Variants in CAPG observed in about 807,000 individuals in gnomAD.
The protein encoded by CAPG is capping actin protein, gelsolin like, also known as macrophage-capping protein.
Under a neutral mutation model 44.6 loss-of-function variants are expected in CAPG, and 32 were observed. That is an observed-to-expected ratio of 0.72 (90% CI 0.54 to 0.96). The LOEUF is 0.96. Among genes scored for constraint, CAPG ranks in the 50% least tolerant of loss-of-function variants. The probability of loss-of-function intolerance (pLI) is 0.00; values close to 1 mark genes in which losing one functional copy is unlikely to be tolerated. For synonymous variants in CAPG, 175 were observed against 179.6 expected (o/e 0.97, Z 0.20); for missense variants, 412 against 438.3 (o/e 0.94, Z 0.54).
chr2:85,412,106 G>A (rs989295058), upstream of CAPG, among the ~76,000 whole-genome samples: 3 of 151,430 alleles, frequency 2.0e-5, no homozygotes, highest in Non-Finnish European at 4.4e-5. Flanking sequence ...TCATTGAAAC[G>A]AAATTGATAA....
At chr2:85,412,437 C>T (rs985426386), upstream of CAPG, among the ~76,000 whole-genome samples, 4 of 152,082 alleles carry the variant, frequency 2.6e-5, no homozygotes, top group Admixed American at 6.6e-5. Flanking sequence ...CGCTTGAACC[C>T]GGGAGGCAGA....
chr2:85,402,241 G>T, intron 1 of CAPG, 83 bp from the exon 2 acceptor site: 1 of 1,078,572 alleles, frequency 9.3e-7, no homozygotes, highest in Non-Finnish European at 1.4e-6. Flanking sequence ...CCTTTCCAGT[G>T]GCCAAGTACT....
intron 5 of CAPG, 122 bp downstream of exon 5, chr2:85,401,043 G>T: frequency 1.1e-6 from 1 of 875,430 alleles, no homozygotes; most frequent in Non-Finnish European, 1.8e-6. Context: ...TGGTCAGAGT[G>T]ATCTCACTTG....
chr2:85,393,307 A>T (rs1189403665), downstream of CAPG, among the ~76,000 whole-genome samples: 2 of 152,100 alleles, frequency 1.3e-5, no homozygotes, highest in African/African-American at 2.4e-5. Flanking sequence ...AAATGCTGGG[A>T]TTATAGGCAT....
At chr2:85,412,868 A>G (rs1404428325), upstream of CAPG, among the ~76,000 whole-genome samples, 1 of 152,144 alleles carries the variant, frequency 6.6e-6, no homozygotes, top group Non-Finnish European at 1.5e-5. Flanking sequence ...CTGTGCCCCA[A>G]TCTGTAACAC....
At chr2:85,417,758 A>G (rs1687598687) in intron 1 of CAPG, among the ~76,000 whole-genome samples, 1 of 152,098 alleles carries the variant, frequency 6.6e-6, no homozygotes, top group Admixed American at 6.6e-5. Context: ...TGCTAGGATT[A>G]CAGGCGTGAG....
downstream of CAPG, among the ~76,000 whole-genome samples, chr2:85,394,051 C>T (rs1388773539): frequency 6.6e-6 from 1 of 152,240 alleles, no homozygotes; most frequent in Non-Finnish European, 1.5e-5. Context: ...CTGGTCCAAG[C>T]TGACACAGGC....
rs1215215647 is a variant in CAPG at position 85,398,327 on chromosome 2, C to G, written c.760-175G>C. 3 of 697,672 alleles carry G rather than the reference C, an allele frequency of 4.3e-6. No homozygotes were observed. In the Admixed American group the frequency reaches 9.0e-5, roughly 21 times the overall value. The allele number at this position is 697,672 out of a possible 1,614,324, so 43.2% of individuals were successfully genotyped here. ...CCTGAAAAGCAAATTCCAGGCAGCCCCACTCCCTCTCATCACCCCAATCCC... is the reference window on the plus strand; with the variant it reads ...CCTGAAAAGCAAATTCCAGGCAGCCGCACTCCCTCTCATCACCCCAATCCC... On this transcript the variant is annotated intron_variant, in intron 7 of 9. Coordinates refer to ENST00000263867, the MANE Select transcript of CAPG (RefSeq NM_001747.4).
intron 1 of CAPG, among the ~76,000 whole-genome samples, chr2:85,408,338 TCACACA>T (rs71390065): frequency 0.046 from 5,987 of 129,430 alleles, 168 homozygotes; most frequent in Non-Finnish European, 0.066. Context: ...GAAGAATCTG[TCACACA>T]CACACACACA....
In CAPG at chr2:85,399,233, G is replaced by A. The variant is rs774144382; in HGVS notation, c.569C>T (p.Ala190Val). The change falls in exon 6 of 10, where the codon GCG becomes GTG. Residue 190 changes from alanine (A) to valine (V), a missense_variant. Ala to Val is a moderately conservative substitution (Grantham distance 64). Coordinates refer to ENST00000263867, the MANE Select transcript of CAPG (RefSeq NM_001747.4). The part of the protein sequence containing the change: ...GKSNILERNK[A>V]RDLALAIRDS... ...CCGGATGGCCAGGGCCAGGTCCCTC[G>A]CCTTGTTGCGTTCCAGGATGTTGGA... 2.2e-5 allele frequency: 36 copies of A among 1,614,114 alleles called. No homozygotes were observed. Among genetic ancestry groups the A allele is most frequent in the Middle Eastern group, 1.6e-4 (1 of 6,084 alleles).
chr2:85,405,236 T>A (rs1359235556), intron 1 of CAPG, among the ~76,000 whole-genome samples: 2 of 152,060 alleles, frequency 1.3e-5, no homozygotes, highest in African/African-American at 2.4e-5. Flanking sequence ...TAAAAAGATA[T>A]TATCTTTTTA....
rs193125875 is a variant in CAPG, at chr2:85,416,101, A to C, written c.-14+2166T>G. Reference sequence around the variant, plus strand: ...ATAAACTCCTACTTCTAGGATGAACACCTGGCTGAAGAAACCCAGGAGAGA... The same window carrying C: ...ATAAACTCCTACTTCTAGGATGAACCCCTGGCTGAAGAAACCCAGGAGAGA... On this transcript the variant is annotated intron_variant, in intron 1 of 5. Coordinates refer to the CAPG transcript ENST00000409275. 2.8e-4 allele frequency among the ~76,000 whole-genome samples: 43 copies of C among 152,276 alleles called. No homozygotes were observed. The East Asian group carries it at 5.4e-3, about 19-fold the overall frequency.
At chr2:85,418,965 G>T (rs1221647748), upstream of CAPG, 1 of 152,384 alleles carries the variant, frequency 6.6e-6, no homozygotes, top group African/African-American at 2.4e-5. Context: ...GGTGGGTGGG[G>T]GGTTGGGCCC....
At position 85,400,960 on chromosome 2, in the gene CAPG, A is replaced by G. The variant is rs529668391; in HGVS notation, c.516+205T>C. On this transcript the variant is annotated intron_variant, in intron 5 of 9. Coordinates refer to ENST00000263867, the MANE Select transcript of CAPG (RefSeq NM_001747.4). ...TCCAAGAGGAGGGAAAAAGCTCCAG[A>G]GCATCAGAGGCAATGTCTAGATGGC... Among the ~76,000 whole-genome samples, 3 of 152,342 alleles carry G rather than the reference A, an allele frequency of 2.0e-5. No individual in the cohort carries two copies. In the South Asian group the frequency reaches 6.2e-4, roughly 32 times the overall value.
chr2:85,394,035 C>A (rs549143839), downstream of CAPG, among the ~76,000 whole-genome samples: 3 of 152,356 alleles, frequency 2.0e-5, no homozygotes, highest in Middle Eastern at 3.4e-3. Flanking sequence ...CCAGGCCTCA[C>A]GGCCTCTGGT....
upstream of CAPG, among the ~76,000 whole-genome samples, chr2:85,414,430 A>T (rs1687505060): frequency 7.7e-6 from 1 of 129,544 alleles, no homozygotes; most frequent in African/African-American, 2.9e-5. Flanking sequence ...CAGAACTAAG[A>T]TTTTTTTTTT....
chr2:85,394,869 C>CA lies in CAPG; in HGVS notation c.*23dup. 6.3e-7 allele frequency: 1 copy of CA among 1,580,104 alleles called. No homozygotes were observed. Among genetic ancestry groups the CA allele is most frequent in the Middle Eastern group, 1.7e-4 (1 of 6,000 alleles). ...AGGCAGGTGGTGGGGGGCAGGGGAG[C>CA]ATGGGGCAGGAAGACGCCCACCCTC... On this transcript the variant is annotated 3_prime_UTR_variant, in exon 10 of 10. Coordinates refer to ENST00000263867, the MANE Select transcript of CAPG (RefSeq NM_001747.4).
Position 85,399,211 on chromosome 2 carries a change from GATGGCC to G in CAPG, c.585_590del (p.Ala196_Ile197del). On this transcript the variant is annotated inframe_deletion, in exon 6 of 10. Transcript: ENST00000263867. ...CCTTGCCCTGTCGCTCACTGTCCCG[GATGGCC>G]AGGGCCAGGTCCCTCGCCTTGTTGC... 1 of 1,614,210 alleles carries G rather than the reference GATGGCC, an allele frequency of 6.2e-7. No individual in the cohort carries two copies.
chr2:85,405,367 G>A lies in CAPG; in HGVS notation c.-13-3209C>T, dbSNP rs558943899. Among the ~76,000 whole-genome samples, 71 of 152,210 alleles carry A rather than the reference G, an allele frequency of 4.7e-4. 2 individuals are homozygous for A. The highest frequency in any genetic ancestry group is 1.6e-3 in the African/African-American group (67 of 41,528). Reference sequence around the variant, plus strand: ...AGATCACAGAGCCAGCATGCACTTCGTACATAATACAATTCATGCTGTGCA... The same window carrying A: ...AGATCACAGAGCCAGCATGCACTTCATACATAATACAATTCATGCTGTGCA... On this transcript the variant is annotated intron_variant, in intron 1 of 9. Transcript: ENST00000263867.
Sources: allele counts gnomAD v4.1 joint callset (sites outside exome capture counted in the v4.1 genomes callset), GRCh38; gene constraint gnomAD v4.1.1; transcripts MANE v1.5; gene names NCBI Gene and HGNC (gene_info 2026-07-23, HGNC 2026-07-21).